Variants in ITSN1 observed in about 807,000 individuals in gnomAD.
The protein encoded by ITSN1 is intersectin-1.
ITSN1 carries 58 observed loss-of-function variants against 239.8 expected under a neutral mutation model. The ratio of observed to expected loss-of-function variants is 0.24; its 90% CI spans 0.20 to 0.30. The LOEUF (loss-of-function observed/expected upper bound fraction) is 0.30. Ranked by LOEUF, ITSN1 falls within the 10% of genes least tolerant of loss-of-function variation. The pLI is 1.00. For missense variants in ITSN1, 1,558 were observed against 2,103.3 expected (o/e 0.74, Z 5.07); for synonymous variants, 780 against 770.8 (o/e 1.01, Z -0.20).
Position 33,733,376 on chromosome 21 carries a change from C to T in ITSN1, c.186-1668C>T, listed in dbSNP as rs140969852. On this transcript the variant is annotated intron_variant, in intron 4 of 39. Transcript: ENST00000381318. Reference sequence around the variant, plus strand: ...GTGATTGGACCCTGGAATAACTCCCCCACCCCTACCCATAATTATTGGTTT... The same window carrying T: ...GTGATTGGACCCTGGAATAACTCCCTCACCCCTACCCATAATTATTGGTTT... Among the ~76,000 whole-genome samples, 447 of 152,082 alleles carry T rather than the reference C, an allele frequency of 2.9e-3. 3 individuals carry two copies. Among genetic ancestry groups the T allele is most frequent in the African/African-American group, 0.01 (421 of 41,492 alleles).
intron 34 of ITSN1, among the ~76,000 whole-genome samples, chr21:33,880,719 G>T (rs889619749): frequency 6.6e-6 from 1 of 152,152 alleles, no homozygotes; most frequent in Non-Finnish European, 1.5e-5. Flanking sequence ...TCAGAGAGGG[G>T]TCCATAGGGC....
rs1299322182 is a variant in ITSN1 at position 33,730,390 on chromosome 21, T to TC, written c.186-4654_186-4653insC. ...ACCTGCTATAAATGCTCTCTGTTCT[T>TC]TTTTTTTTTTTTTTTTTTTTTTTTT... On this transcript the variant is annotated intron_variant, in intron 4 of 39. Coordinates refer to ENST00000381318, the MANE Select transcript of ITSN1 (RefSeq NM_003024.3). Among the ~76,000 whole-genome samples the TC allele has an allele frequency of 9.6e-5, 11 of 114,448 alleles. No homozygotes were observed. In the East Asian group the frequency reaches 2.6e-3, roughly 27 times the overall value. 75.1% of individuals were successfully genotyped at this position (114,448 alleles called of 152,430 possible). A position where few individuals can be genotyped will look rare whatever the true frequency, so the allele number is the denominator to read the frequency against.
chr21:33,659,899 T>A (rs9808785), intron 1 of ITSN1, among the ~76,000 whole-genome samples: 52,074 of 151,008 alleles, frequency 0.34, 9,252 homozygotes, highest in East Asian at 0.57. Context: ...TAAAAAAAAA[T>A]TTTTGTAGAG....
At chr21:33,733,296 G>A (rs548157480) in intron 4 of ITSN1, among the ~76,000 whole-genome samples, 1 of 152,228 alleles carries the variant, frequency 6.6e-6, no homozygotes, top group South Asian at 2.1e-4. Context: ...GTGAGAAGAA[G>A]AGGGATTGAT....
intron 1 of ITSN1, among the ~76,000 whole-genome samples, chr21:33,713,492 T>G (rs1000203651): frequency 6.7e-6 from 1 of 149,084 alleles, no homozygotes; most frequent in African/African-American, 2.5e-5. Context: ...TCTGCTTGCC[T>G]CGGCCTCCCA....
intron 9 of ITSN1, among the ~76,000 whole-genome samples, chr21:33,763,778 T>C (rs2068533789): frequency 6.6e-6 from 1 of 152,210 alleles, no homozygotes; most frequent in Non-Finnish European, 1.5e-5. Context: ...TAAATTTAAA[T>C]GTTAACTAGA....
intron 1 of ITSN1, among the ~76,000 whole-genome samples, chr21:33,646,287 G>C (rs969344155): frequency 6.6e-6 from 1 of 152,264 alleles, no homozygotes; most frequent in South Asian, 2.1e-4. Context: ...TCAGAACAAA[G>C]CATTTGCTTA....
intron 33 of ITSN1, among the ~76,000 whole-genome samples, chr21:33,867,639 A>T (rs1293455067): frequency 1.5e-3 from 8 of 5,420 alleles, no homozygotes; most frequent in East Asian, 0.05. Context: ...TATCTCTATT[A>T]AAAAAAAAAA....
chr21:33,657,753 A>C (rs1034243197), intron 1 of ITSN1, among the ~76,000 whole-genome samples: 1 of 152,178 alleles, frequency 6.6e-6, no homozygotes, highest in African/African-American at 2.4e-5. Flanking sequence ...TGGGAGGCCA[A>C]AGTGAGAAGG....
chr21:33,819,176 C>G, intron 23 of ITSN1, 65 bp from the exon 24 acceptor site: 1 of 1,185,074 alleles, frequency 8.4e-7, no homozygotes, highest in Non-Finnish European at 1.2e-6. Context: ...ACAGAAAAAT[C>G]AGTGTCATTG....
chr21:33,681,616 TTTTTA>T (rs147580027), intron 1 of ITSN1, among the ~76,000 whole-genome samples: 4,059 of 147,236 alleles, frequency 0.028, 66 homozygotes, highest in Non-Finnish European at 0.038. Flanking sequence ...TTGGAACCAG[TTTTTA>T]TTTTATTTTA....
At chr21:33,695,669 G>A (rs2091762437) in intron 1 of ITSN1, among the ~76,000 whole-genome samples, 4 of 152,170 alleles carry the variant, frequency 2.6e-5, no homozygotes, top group Non-Finnish European at 4.4e-5. Flanking sequence ...TATATTATGG[G>A]TAGAAGGTGA....
intron 4 of ITSN1, among the ~76,000 whole-genome samples, chr21:33,729,866 A>G (rs2066060695): frequency 6.6e-6 from 1 of 152,142 alleles, no homozygotes; most frequent in Non-Finnish European, 1.5e-5. Flanking sequence ...CTCAGCTTTC[A>G]GGGACTCAGC....
At position 33,815,131 on chromosome 21, in the gene ITSN1, G is replaced by A. The variant is rs1052522574; in HGVS notation, c.2727+1059G>A. ...CAGGCTGTCGGAATATAGATCTGGA[G>A]GATGGAAGAGAGCACGAGACTGGGA... On this transcript the variant is annotated intron_variant, in intron 22 of 39. Coordinates refer to ENST00000381318, the MANE Select transcript of ITSN1 (RefSeq NM_003024.3). Among the ~76,000 whole-genome samples, 6 of 152,190 alleles carry A rather than the reference G, an allele frequency of 3.9e-5. No homozygotes were observed. The East Asian group carries it at 9.6e-4, about 24-fold the overall frequency.
intron 1 of ITSN1, among the ~76,000 whole-genome samples, chr21:33,711,166 G>T (rs1158238578): frequency 6.6e-6 from 1 of 152,016 alleles, no homozygotes; most frequent in Non-Finnish European, 1.5e-5. Context: ...TATTTTCCAA[G>T]AAATTTGTTT....
intron 4 of ITSN1, among the ~76,000 whole-genome samples, chr21:33,723,556 G>C (rs903934062): frequency 3.3e-5 from 5 of 152,140 alleles, no homozygotes; most frequent in Non-Finnish European, 5.9e-5. Flanking sequence ...AGAGCTTGCA[G>C]TGAGCCGAGA....
At chr21:33,835,117 T>G (rs2074527792) in intron 28 of ITSN1, among the ~76,000 whole-genome samples, 2 of 152,220 alleles carry the variant, frequency 1.3e-5, no homozygotes, top group African/African-American at 4.8e-5. Context: ...TGTAGAATTT[T>G]TGTTCCAATA....
At chr21:33,659,597 G>A (rs896492061) in intron 1 of ITSN1, among the ~76,000 whole-genome samples, 1 of 151,438 alleles carries the variant, frequency 6.6e-6, no homozygotes, top group Non-Finnish European at 1.5e-5. Flanking sequence ...TTTGAATACT[G>A]TGTCTATACA....
At chr21:33,759,921 G>A (rs1182483819) in intron 8 of ITSN1, among the ~76,000 whole-genome samples, 2 of 151,962 alleles carry the variant, frequency 1.3e-5, no homozygotes, top group African/African-American at 2.4e-5. Context: ...CCAACATGGG[G>A]AAACCCTGTC....
Sources: allele counts gnomAD v4.1 joint callset (sites outside exome capture counted in the v4.1 genomes callset), GRCh38; gene constraint gnomAD v4.1.1; transcripts MANE v1.5; gene names NCBI Gene and HGNC (gene_info 2026-07-23, HGNC 2026-07-21).